TXNRD1: variants seen among roughly 807,000 people sequenced by gnomAD.
TXNRD1 encodes the protein thioredoxin reductase 1, cytoplasmic.
A neutral mutation model predicts 80.3 loss-of-function variants in TXNRD1; 57 were observed. That is an observed-to-expected ratio of 0.71 (90% CI 0.57 to 0.89). The LOEUF (loss-of-function observed/expected upper bound fraction) is 0.89. Among genes scored for constraint, TXNRD1 ranks in the 40% least tolerant of loss-of-function variants. The pLI, the probability that TXNRD1 is intolerant of heterozygous loss-of-function variation, is 0.00. For missense variants in TXNRD1, 730 were observed against 803.0 expected (o/e 0.91, Z 1.10); for synonymous variants, 291 against 285.2 (o/e 1.02, Z -0.20).
At chr12:104,302,066 C>T (rs2034648427) in intron 4 of TXNRD1, among the ~76,000 whole-genome samples, 1 of 152,180 alleles carries the variant, frequency 6.6e-6, no homozygotes, top group Non-Finnish European at 1.5e-5. Context: ...ATCTAAAACG[C>T]AGCTTTTGTT....
chr12:104,234,608 T>G (rs988675496), intron 1 of TXNRD1, among the ~76,000 whole-genome samples: 1 of 147,458 alleles, frequency 6.8e-6, no homozygotes, highest in Non-Finnish European at 1.5e-5. Flanking sequence ...AGCAACTAAT[T>G]TTTTAAAAAA....
rs922457199 is a variant in TXNRD1, at chr12:104,326,449, A to G, written c.1385+26A>G. On this transcript the variant is annotated intron_variant, in intron 12 of 16. Coordinates refer to ENST00000525566, the MANE Select transcript of TXNRD1 (RefSeq NM_001093771.3). Reference sequence around the variant, plus strand: ...GTAAGAAAAAAATCTTTATTATGTCATATTTGTGGGATTTTTTTTTTTTTT... The same window carrying G: ...GTAAGAAAAAAATCTTTATTATGTCGTATTTGTGGGATTTTTTTTTTTTTT... 24 of 1,168,940 alleles carry G rather than the reference A, an allele frequency of 2.1e-5. 1 individual carries two copies. Among genetic ancestry groups the G allele is most frequent in the Non-Finnish European group, 2.5e-5 (21 of 834,866 alleles). 72.4% of individuals were successfully genotyped at this position (1,168,940 alleles called of 1,614,324 possible). A position where few individuals can be genotyped will look rare whatever the true frequency, so the allele number is the denominator to read the frequency against.
chr12:104,304,962 TG>T, intron 4 of TXNRD1: 1 of 1,538,214 alleles, frequency 6.5e-7, no homozygotes, highest in Non-Finnish European at 8.7e-7. Context: ...GCATCCTTTT[TG>T]TGTTTTTTTT....
At chr12:104,347,141 C>G (rs1230891274) in intron 16 of TXNRD1, among the ~76,000 whole-genome samples, 1 of 151,864 alleles carries the variant, frequency 6.6e-6, no homozygotes, top group African/African-American at 2.4e-5. Flanking sequence ...TTTAGCATAT[C>G]TTTGCTAACA....
At chr12:104,323,839 A>G (rs2035655791) in intron 10 of TXNRD1, among the ~76,000 whole-genome samples, 1 of 144,710 alleles carries the variant, frequency 6.9e-6, no homozygotes, top group African/African-American at 2.5e-5. Flanking sequence ...CCGGACGGGG[A>G]CCTATATACA....
At chr12:104,332,051 A>T (rs1311645396) in intron 14 of TXNRD1, among the ~76,000 whole-genome samples, 4 of 152,116 alleles carry the variant, frequency 2.6e-5, no homozygotes, top group Non-Finnish European at 4.4e-5. Context: ...TTTTAAAATC[A>T]CATTTATTGA....
intron 2 of TXNRD1, 106 bp from the exon 3 acceptor site, chr12:104,257,913 A>T: frequency 1.3e-6 from 1 of 798,906 alleles, no homozygotes; most frequent in Non-Finnish European, 2.0e-6. Context: ...AAGTTTTCAA[A>T]GGTGAAGGCT....
At chr12:104,246,198 C>G (rs7302834) in intron 1 of TXNRD1, among the ~76,000 whole-genome samples, 5 of 146,120 alleles carry the variant, frequency 3.4e-5, no homozygotes, top group African/African-American at 7.7e-5. Flanking sequence ...GAGGCCGAGG[C>G]GGGTGGATCA....
chr12:104,322,255 A>G (rs1418081311), intron 10 of TXNRD1, among the ~76,000 whole-genome samples: 1 of 152,142 alleles, frequency 6.6e-6, no homozygotes, highest in African/African-American at 2.4e-5. Flanking sequence ...TAATTAGAAA[A>G]GTACCTGGTA....
intron 1 of TXNRD1, among the ~76,000 whole-genome samples, chr12:104,230,217 T>C (rs576124232): frequency 1.1e-4 from 16 of 151,144 alleles, no homozygotes; most frequent in Non-Finnish European, 2.1e-4. Context: ...TACAGGTGCA[T>C]GCCACCACGC....
At chr12:104,335,595 G>T (rs2036111012) in intron 15 of TXNRD1, among the ~76,000 whole-genome samples, 1 of 152,056 alleles carries the variant, frequency 6.6e-6, no homozygotes, top group South Asian at 2.1e-4. Context: ...TGAGGGATTG[G>T]ATAATTCATA....
chr12:104,333,181 CTTCATAA>C (rs1304546523), intron 14 of TXNRD1, among the ~76,000 whole-genome samples: 1 of 151,934 alleles, frequency 6.6e-6, no homozygotes, highest in Non-Finnish European at 1.5e-5. Context: ...GAATTGACAT[CTTCATAA>C]TTCATTGTTT....
rs375768473 is a variant in TXNRD1, at chr12:104,273,618, A to G, written c.305-15313A>G. ...AAAAGAACAAACATACAAACAACAG[A>G]AAAAAACAAGAATGCTCGCGCCACC... is the stretch of plus-strand genomic sequence containing the variant. On this transcript the variant is annotated intron_variant, in intron 3 of 16. Coordinates refer to ENST00000525566, the MANE Select transcript of TXNRD1 (RefSeq NM_001093771.3). Among the ~76,000 whole-genome samples the G allele has an allele frequency of 4.6e-5, 7 of 152,118 alleles. No homozygotes were observed. In the East Asian group the frequency reaches 1.2e-3, roughly 25 times the overall value.
At chr12:104,311,143 A>C (rs1378466203) in intron 4 of TXNRD1, 147 bp from the exon 5 acceptor site, 1 of 941,640 alleles carries the variant, frequency 1.1e-6, no homozygotes, top group African/African-American at 1.7e-5. Flanking sequence ...GGAAGGTTGA[A>C]TATTTCCATC....
chr12:104,278,269 C>A (rs527523308), intron 3 of TXNRD1, among the ~76,000 whole-genome samples: 21 of 133,658 alleles, frequency 1.6e-4, no homozygotes, highest in African/African-American at 6.0e-4. Context: ...GGCGTGATCT[C>A]GGCTCACTGC....
intron 4 of TXNRD1, chr12:104,289,256 C>A: frequency 2.1e-6 from 1 of 471,434 alleles, no homozygotes; most frequent in Non-Finnish European, 3.8e-6. Context: ...AAATTTCTAA[C>A]GCTTTTTATC....
At chr12:104,265,964 A>G (rs920568395) in intron 3 of TXNRD1, 12 of 622,286 alleles carry the variant, frequency 1.9e-5, no homozygotes, top group South Asian at 6.5e-5. Context: ...TTAAAAAAAA[A>G]AAAAGAAAAG....
intron 14 of TXNRD1, among the ~76,000 whole-genome samples, chr12:104,332,828 A>G (rs574230302): frequency 1.3e-5 from 2 of 151,660 alleles, no homozygotes; most frequent in East Asian, 3.9e-4. Flanking sequence ...CAAAAAGGAA[A>G]TTTTAATTCA....
intron 1 of TXNRD1, among the ~76,000 whole-genome samples, chr12:104,224,309 C>A (rs1433525004): frequency 6.6e-6 from 1 of 152,136 alleles, no homozygotes; most frequent in Non-Finnish European, 1.5e-5. Context: ...TGGCTCTTCT[C>A]ATTTTTTTTG....
Sources: allele counts gnomAD v4.1 joint callset (sites outside exome capture counted in the v4.1 genomes callset), GRCh38; gene constraint gnomAD v4.1.1; transcripts MANE v1.5; gene names NCBI Gene and HGNC (gene_info 2026-07-23, HGNC 2026-07-21).